DAB1: variants seen among roughly 807,000 people sequenced by gnomAD.
DAB1 encodes disabled homolog 1.
Under a neutral mutation model 64.6 loss-of-function variants are expected in DAB1, and 15 were observed. The observed-to-expected ratio is 0.23, with a 90% CI of 0.16 to 0.36. DAB1 has a LOEUF of 0.36. DAB1 is among the 10% of genes least tolerant of loss of function. The pLI is 1.00. For synonymous variants in DAB1, 235 were observed against 251.9 expected, an observed-to-expected ratio of 0.93 and a Z score of 0.64; for missense variants, 596 against 706.7, an observed-to-expected ratio of 0.84 and a Z score of 1.78.
At chr1:58,347,252 C>T (rs1322312914) in intron 3 of DAB1, among the ~76,000 whole-genome samples, 4 of 152,132 alleles carry the variant, frequency 2.6e-5, no homozygotes, top group African/African-American at 7.2e-5. Flanking sequence ...GCATTACAGG[C>T]ATGTGCCACC....
At chr1:58,457,151 G>A (rs1034989427) in intron 3 of DAB1, among the ~76,000 whole-genome samples, 2 of 152,180 alleles carry the variant, frequency 1.3e-5, no homozygotes, top group Admixed American at 6.5e-5. Flanking sequence ...AGGATTGGAA[G>A]TGAACTGTCA....
intron 4 of DAB1, among the ~76,000 whole-genome samples, chr1:58,240,538 G>C (rs1660247103): frequency 6.6e-6 from 1 of 152,180 alleles, no homozygotes; most frequent in Admixed American, 6.5e-5. Flanking sequence ...GCACTCTTAA[G>C]CCACTTTATT....
intron 5 of DAB1, among the ~76,000 whole-genome samples, chr1:57,906,529 C>T (rs889233010): frequency 3.3e-5 from 5 of 152,124 alleles, no homozygotes; most frequent in African/African-American, 1.2e-4. Flanking sequence ...CAGCTGTGGG[C>T]TTTTATCCCA....
At chr1:58,503,746 T>C (rs972964063) in intron 3 of DAB1, among the ~76,000 whole-genome samples, 11 of 152,222 alleles carry the variant, frequency 7.2e-5, no homozygotes, top group Middle Eastern at 3.4e-3. Context: ...CTGTTGGAAA[T>C]TGGATCTAAG....
At chr1:58,031,433 G>GA (rs1045329083) in intron 5 of DAB1, among the ~76,000 whole-genome samples, 9 of 152,096 alleles carry the variant, frequency 5.9e-5, no homozygotes, top group Admixed American at 1.3e-4. Context: ...AAACGGATGG[G>GA]AAAAAAGAGA....
intron 6 of DAB1, among the ~76,000 whole-genome samples, chr1:57,686,634 C>T (rs1241395195): frequency 1.3e-5 from 2 of 152,132 alleles, no homozygotes; most frequent in Non-Finnish European, 2.9e-5. Flanking sequence ...CTCTGAGGAA[C>T]ATAGATTCAA....
intron 7 of DAB1, among the ~76,000 whole-genome samples, chr1:57,610,188 G>A (rs545519325): frequency 2.0e-5 from 3 of 152,302 alleles, no homozygotes; most frequent in African/African-American, 7.2e-5. Flanking sequence ...CAGTAGGCTT[G>A]TAAGACACTC....
At chr1:58,300,566 AAGAAAGAAAGAAAG>A (rs1662102667) in intron 4 of DAB1, among the ~76,000 whole-genome samples, 2 of 12,510 alleles carry the variant, frequency 1.6e-4, no homozygotes, top group Non-Finnish European at 1.6e-4. Context: ...GAAAGAAAGA[AAGAAAGAAAGAAAG>A]AAAGAAAGAA....
chr1:57,069,460 G>T (rs780080811), intron 7 of DAB1, 35 bp from the exon 8 acceptor site: 16 of 1,566,216 alleles, frequency 1.0e-5, no homozygotes, highest in South Asian at 1.1e-5. Flanking sequence ...AAAGGTCAGA[G>T]GTGAAAAAGA....
intron 1 of DAB1, among the ~76,000 whole-genome samples, chr1:57,362,588 G>GGAT (rs1679642588): frequency 6.6e-6 from 1 of 152,014 alleles, no homozygotes; most frequent in Admixed American, 6.6e-5. Context: ...CTAGTGAGTG[G>GGAT]GATTAGTCCC....
intron 4 of DAB1, among the ~76,000 whole-genome samples, chr1:58,168,431 C>T (rs1211178198): frequency 6.6e-6 from 1 of 152,124 alleles, no homozygotes; most frequent in African/African-American, 2.4e-5. Context: ...GGTCCTAATG[C>T]CTGTCAGACA....
intron 7 of DAB1, among the ~76,000 whole-genome samples, chr1:57,609,082 A>C (rs2101598908): frequency 6.6e-6 from 1 of 152,218 alleles, no homozygotes; most frequent in African/African-American, 2.4e-5. Context: ...CTTATATCAA[A>C]CCTATTTATA....
chr1:57,381,933 C>T (rs1681413282), intron 1 of DAB1, among the ~76,000 whole-genome samples: 1 of 152,140 alleles, frequency 6.6e-6, no homozygotes, highest in South Asian at 2.1e-4. Flanking sequence ...AAGCTTGGCT[C>T]AGAAGTCCAG....
chr1:57,643,185 G>A (rs1646151843), intron 7 of DAB1, among the ~76,000 whole-genome samples: 1 of 152,144 alleles, frequency 6.6e-6, no homozygotes, highest in South Asian at 2.1e-4. Context: ...TTCTAGCCAG[G>A]TTTGTGCACT....
chr1:58,404,246 G>A (rs1644596568), intron 3 of DAB1, among the ~76,000 whole-genome samples: 1 of 152,190 alleles, frequency 6.6e-6, no homozygotes, highest in Non-Finnish European at 1.5e-5. Flanking sequence ...AAGAGTCTAA[G>A]AGCCTCTTAG....
At chr1:58,285,623 A>G (rs1661662649) in intron 4 of DAB1, among the ~76,000 whole-genome samples, 1 of 152,220 alleles carries the variant, frequency 6.6e-6, no homozygotes, top group African/African-American at 2.4e-5. Flanking sequence ...GAAGTGGAGA[A>G]CATCTTCAAG....
chr1:57,959,869 G>A (rs190652941), intron 5 of DAB1, among the ~76,000 whole-genome samples: 99 of 152,180 alleles, frequency 6.5e-4, no homozygotes, highest in Non-Finnish European at 1.1e-3. Context: ...CTTGAAAATC[G>A]AAATCCAAAA....
intron 2 of DAB1, among the ~76,000 whole-genome samples, chr1:57,244,856 G>A (rs745759029): frequency 3.3e-5 from 5 of 152,196 alleles, no homozygotes; most frequent in African/African-American, 7.2e-5. Flanking sequence ...ATAAACTAAC[G>A]TAGCGTTCTG....
intron 2 of DAB1, among the ~76,000 whole-genome samples, chr1:57,279,928 G>A (rs535238162): frequency 6.6e-6 from 1 of 152,236 alleles, no homozygotes; most frequent in African/African-American, 2.4e-5. Flanking sequence ...TCTTGCTGAG[G>A]CCATCTCAAC....
Sources: allele counts gnomAD v4.1 joint callset (sites outside exome capture counted in the v4.1 genomes callset), GRCh38; gene constraint gnomAD v4.1.1; transcripts MANE v1.5; gene names NCBI Gene and HGNC (gene_info 2026-07-23, HGNC 2026-07-21).